CROCC2: variants seen among roughly 807,000 people sequenced by gnomAD.
CROCC2 encodes the protein ciliary rootlet coiled-coil protein 2.
In CROCC2, 163 loss-of-function variants were observed where a neutral mutation model predicts 177.6. The observed-to-expected ratio is 0.92, with a 90% confidence interval of 0.81 to 1.05. The LOEUF (loss-of-function observed/expected upper bound fraction) is 1.05. CROCC2 is among the 50% of genes least tolerant of loss of function. The pLI, the probability that CROCC2 is intolerant of heterozygous loss-of-function variation, is 0.00. For synonymous variants in CROCC2, 904 were observed against 787.3 expected (o/e 1.15, Z -2.48); for missense variants, 1,929 against 1,797.8 (o/e 1.07, Z -1.32).
chr2:240,909,584 G>A (rs1349848938), intron 1 of CROCC2, among the ~76,000 whole-genome samples: 1 of 152,208 alleles, frequency 6.6e-6, no homozygotes, highest in African/African-American at 2.4e-5. Context: ...CGGCTGGTCT[G>A]AGGGGGAATC....
rs553237844 is a variant in CROCC2 at position 240,968,151 on chromosome 2, G to A, written c.4290G>A (p.Ala1430=). The change falls in exon 27 of 32, where the codon GCG becomes GCA. Residue 1430 remains alanine (A), a synonymous_variant. Coordinates refer to ENST00000690015, the MANE Select transcript of CROCC2 (RefSeq NM_001351305.2). The stretch of plus-strand genomic sequence containing the variant: ...CAGGCCAGCGCCGGGTGGAGGGCGC[G>A]CTGAGCAGCGCCCGGGCAGCACGTG... ...AEEGQRRVEG[A]LSSARAARAL... is the part of the protein sequence containing the mutation. 5.2e-5 allele frequency: 78 copies of A among 1,510,594 alleles called. No homozygotes were observed. Among genetic ancestry groups the A allele is most frequent in the East Asian group, 2.7e-4 (11 of 40,156 alleles). 93.6% of individuals were successfully genotyped at this position (1,510,594 alleles called of 1,614,324 possible).
chr2:240,968,418 G>A (rs2059699469), intron 27 of CROCC2, among the ~76,000 whole-genome samples, 156 bp downstream of exon 27: 3 of 152,224 alleles, frequency 2.0e-5, no homozygotes, highest in African/African-American at 2.4e-5. Flanking sequence ...AGCCCGGTGG[G>A]GCCCTGGGGC....
chr2:240,909,775 T>C (rs1344103627), intron 1 of CROCC2, among the ~76,000 whole-genome samples: 3 of 152,164 alleles, frequency 2.0e-5, no homozygotes, highest in Non-Finnish European at 2.9e-5. Flanking sequence ...GCTGTAGTGA[T>C]TGAGATCTTG....
chr2:240,910,715 T>G (rs2059281999), intron 1 of CROCC2, among the ~76,000 whole-genome samples: 1 of 152,266 alleles, frequency 6.6e-6, no homozygotes. Context: ...AACCTACATA[T>G]GCATTCTTCC....
rs959445315 is a variant in CROCC2, at chr2:240,973,028, G to T, written c.4401+4766G>T. On this transcript the variant is annotated intron_variant, in intron 27 of 31. Transcript: ENST00000690015. The surrounding 1 kb of genome is among the most constrained non-coding windows in gnomAD (Gnocchi z 4.7). ...GCAGGGGGGTGCTAGGGTCCAGTAG[G>T]GCAGGCCTGGTGCCTCTCCTGGCTC... is the stretch of plus-strand genomic sequence containing the variant. Among the ~76,000 whole-genome samples, 6 of 152,108 alleles carry T rather than the reference G, an allele frequency of 3.9e-5. No homozygotes were observed. Among genetic ancestry groups the T allele is most frequent in the African/African-American group, 1.4e-4 (6 of 41,440 alleles).
chr2:240,972,390 G>A lies in CROCC2; in HGVS notation c.4401+4128G>A, dbSNP rs1433028327. 1.3e-5 allele frequency among the ~76,000 whole-genome samples: 2 copies of A among 150,018 alleles called. No homozygotes were observed. The highest frequency in any genetic ancestry group is 2.1e-4 in the South Asian group (1 of 4,796). ...GCGCTCTCCGGTGCACGGTCACGGT[G>A]CGGTCCTCCACCTCCCCAGCTGCTT... On this transcript the variant is annotated intron_variant, in intron 27 of 31. Coordinates refer to ENST00000690015, the MANE Select transcript of CROCC2 (RefSeq NM_001351305.2). This position sits in a 1 kb window ranked among gnomAD's most constrained non-coding sequence, Gnocchi z 7.1.
chr2:240,952,086 C>T (rs745898747), intron 18 of CROCC2, among the ~76,000 whole-genome samples: 2 of 152,116 alleles, frequency 1.3e-5, no homozygotes, highest in Admixed American at 6.5e-5. Flanking sequence ...TGGCTCACAC[C>T]TGTAATCACA....
intron 27 of CROCC2, among the ~76,000 whole-genome samples, chr2:240,975,700 CCA>C (rs1285683813): frequency 2.7e-5 from 4 of 149,412 alleles, no homozygotes; most frequent in African/African-American, 9.9e-5. Context: ...ATCTCAGAAT[CCA>C]GCATCCAACC....
intron 27 of CROCC2, among the ~76,000 whole-genome samples, chr2:240,969,430 G>C (rs1032569051): frequency 6.6e-6 from 1 of 152,256 alleles, no homozygotes; most frequent in African/African-American, 2.4e-5. Context: ...GCTGCAGAGA[G>C]AGCAAGGTCC....
In CROCC2 at chr2:240,953,003, G is replaced by A. The variant is rs530073175; in HGVS notation, c.2829+2493G>A. Among the ~76,000 whole-genome samples the A allele has an allele frequency of 2.0e-5, 3 of 152,126 alleles. No individual in the cohort carries two copies. The highest frequency in any genetic ancestry group is 1.9e-4 in the East Asian group (1 of 5,186). On this transcript the variant is annotated intron_variant, in intron 18 of 31. Coordinates refer to ENST00000690015, the MANE Select transcript of CROCC2 (RefSeq NM_001351305.2). This position sits in a 1 kb window ranked among gnomAD's most constrained non-coding sequence, Gnocchi z 4.0. ...GTGGGTGGCCCGTCAAGGCCCCCACGCAGCCCCTCATTCCCATCCGAGACC... is the reference window on the plus strand; with the variant it reads ...GTGGGTGGCCCGTCAAGGCCCCCACACAGCCCCTCATTCCCATCCGAGACC...
intron 6 of CROCC2, among the ~76,000 whole-genome samples, 191 bp from the exon 7 acceptor site, chr2:240,930,740 T>G (rs1179401641): frequency 6.6e-6 from 1 of 152,092 alleles, no homozygotes; most frequent in Non-Finnish European, 1.5e-5. Context: ...TGCAACCTGG[T>G]CCTGCCCCTG....
intron 20 of CROCC2, among the ~76,000 whole-genome samples, chr2:240,963,067 G>A (rs1004197949): frequency 2.1e-4 from 32 of 152,304 alleles, no homozygotes; most frequent in African/African-American, 7.0e-4. Flanking sequence ...GGGGTCACTG[G>A]GCCAGGGTCA....
intron 31 of CROCC2, 129 bp from the exon 32 acceptor site, chr2:240,992,937 G>A: frequency 4.7e-6 from 3 of 633,988 alleles, no homozygotes; most frequent in Non-Finnish European, 2.9e-6. Flanking sequence ...CGGGAGGGAG[G>A]AACAGAAGTT....
Position 240,949,654 on chromosome 2 carries a change from C to A in CROCC2, c.2604C>A (p.Ser868Arg). The A allele has an allele frequency of 6.5e-7, 1 of 1,533,782 alleles. No individual in the cohort carries two copies. ...GGGAGGCACAGCGGGCCCTGGAGAG[C>A]CAGGCGTTGGCCCACCGAGAGGCCC... ...QEREAQRALE[S>R]QALAHREALA... is the part of the protein sequence containing the mutation. Residue 868 changes from serine (S) to arginine (R), a missense_variant, in exon 17 of 32, where the codon AGC (serine) becomes AGA (arginine). Ser to Arg is a moderately radical substitution (Grantham distance 110, BLOSUM62 -1). This residue lies in a region of CROCC2 where 1,397 missense variants were observed against 1,239.9 expected (regional missense o/e 1.13). Transcript: ENST00000690015. The surrounding 1 kb of genome is among the most constrained non-coding windows in gnomAD (Gnocchi z 4.5).
chr2:240,945,615 C>T (rs1298531520), intron 14 of CROCC2, among the ~76,000 whole-genome samples: 1 of 152,102 alleles, frequency 6.6e-6, no homozygotes, highest in Admixed American at 6.5e-5. Flanking sequence ...TCCTTCGGTC[C>T]CAGCTGTCTG....
At chr2:240,964,690 T>A (rs1188757484) in intron 22 of CROCC2, 65 bp downstream of exon 22, 2 of 1,491,108 alleles carry the variant, frequency 1.3e-6, no homozygotes, top group South Asian at 2.6e-5. Context: ...TCCCGGCTCC[T>A]CCCAGGGGAG....
chr2:240,933,535 T>G, intron 10 of CROCC2, 135 bp from the exon 11 acceptor site: 1 of 1,167,078 alleles, frequency 8.6e-7, no homozygotes. Context: ...AGTGAGACCC[T>G]GTCTGCTTCT....
chr2:240,958,708 C>A lies in CROCC2; in HGVS notation c.2944-593C>A. On this transcript the variant is annotated intron_variant, in intron 19 of 31. Coordinates refer to ENST00000690015, the MANE Select transcript of CROCC2 (RefSeq NM_001351305.2). This position sits in a 1 kb window ranked among gnomAD's most constrained non-coding sequence, Gnocchi z 6.7. Reference sequence around the variant, plus strand: ...ACTGAGGCCCAGGAAGCTGAGACCCCCTGAGCCCCATCTGCCCTGCTGCCG... The same window carrying A: ...ACTGAGGCCCAGGAAGCTGAGACCCACTGAGCCCCATCTGCCCTGCTGCCG... The A allele has an allele frequency of 1.9e-6, 1 of 533,876 alleles. No individual in the cohort carries two copies. Among genetic ancestry groups the A allele is most frequent in the Non-Finnish European group, 2.4e-6 (1 of 417,200 alleles). The allele number at this position is 533,876 out of a possible 1,614,324, so 33.1% of individuals were successfully genotyped here.
intron 15 of CROCC2, among the ~76,000 whole-genome samples, chr2:240,946,838 T>A (rs2059527315): frequency 1.3e-5 from 2 of 152,374 alleles, no homozygotes; most frequent in South Asian, 4.1e-4. Context: ...TCACAGGGCC[T>A]GATCCCAGGC....
Sources: allele counts gnomAD v4.1 joint callset (sites outside exome capture counted in the v4.1 genomes callset), GRCh38; gene constraint gnomAD v4.1.1; regional missense constraint gnomAD v4.1.1; non-coding constraint Gnocchi (gnomAD v3.1); transcripts MANE v1.5; gene names NCBI Gene and HGNC (gene_info 2026-07-23, HGNC 2026-07-21).